Variants in PCDHA6 observed in about 807,000 individuals in gnomAD.
PCDHA6 encodes the protein protocadherin alpha 6, also known as protocadherin alpha-6.
PCDHA6 carries 55 observed loss-of-function variants against 60.3 expected under a neutral mutation model. The observed-to-expected ratio is 0.91, with a 90% CI of 0.73 to 1.14. The LOEUF (loss-of-function observed/expected upper bound fraction) is 1.14, where lower values mean the gene tolerates loss of function less well. Ranked by LOEUF, PCDHA6 falls within the 50% of genes most tolerant of loss-of-function variation. The probability of loss-of-function intolerance (pLI) is 0.00; values close to 1 mark genes in which losing one functional copy is unlikely to be tolerated. For synonymous variants in PCDHA6, 652 were observed against 557.9 expected (o/e 1.17, Z -2.38); for missense variants, 1,327 against 1,256.5 (o/e 1.06, Z -0.85).
chr5:140,830,452 G>T lies in PCDHA6; in HGVS notation c.2361G>T (p.Glu787Asp). Residue 787 changes from glutamate to aspartate, a missense_variant, in exon 1 of 4, where the codon GAG (glutamate) becomes GAT (aspartate). Transcript: ENST00000529310. ...SPCPIMMGKA[E>D]NQDLNEDHDA... is the part of the protein sequence containing the mutation. Reference sequence around the variant, plus strand: ...GTCCTATTATGATGGGTAAGGCGGAGAATCAGGATTTAAATGAAGATCATG... The same window carrying T: ...GTCCTATTATGATGGGTAAGGCGGATAATCAGGATTTAAATGAAGATCATG... The T allele has an allele frequency of 1.3e-6, 2 of 1,597,312 alleles. No homozygotes were observed. Among genetic ancestry groups the T allele is most frequent in the South Asian group, 2.3e-5 (2 of 88,702 alleles).
At chr5:140,842,526 A>G (rs2150338157) in intron 1 of PCDHA6, 11 of 1,613,304 alleles carry the variant, frequency 6.8e-6, no homozygotes, top group African/African-American at 1.3e-5. Flanking sequence ...TCCACCTTCA[A>G]GAATTACTAC....
intron 2 of PCDHA6, 103 bp downstream of exon 2, chr5:140,979,110 C>G (rs1223081047): frequency 4.6e-5 from 69 of 1,515,610 alleles, no homozygotes; most frequent in Non-Finnish European, 5.9e-5. Flanking sequence ...AACTAAAAAG[C>G]TTTAGGTACT....
In PCDHA6 at chr5:140,871,299, G is replaced by T. The variant is rs782459625; in HGVS notation, c.2394+40814G>T. On this transcript the variant is annotated intron_variant, in intron 1 of 3. Coordinates refer to ENST00000529310, the MANE Select transcript of PCDHA6 (RefSeq NM_018909.4). The stretch of plus-strand genomic sequence containing the variant: ...CAACGCCCACTGAGGGCGCGTGCGC[G>T]CCGGGGAAGCCCACGCTGGTGTGCT... 1.5e-5 allele frequency: 24 copies of T among 1,613,798 alleles called. No homozygotes were observed. In the East Asian group the frequency reaches 5.3e-4, roughly 36 times the overall value.
In PCDHA6 at chr5:140,995,570, A is replaced by T. The variant is rs186345842; in HGVS notation, c.2542+13007A>T. ...TCACTGTACTGAATAATATGTCAAG[A>T]TGAGCTATGAGCTTTTAACTTAGTG... is the stretch of plus-strand genomic sequence containing the variant. On this transcript the variant is annotated intron_variant, in intron 3 of 3. Transcript: ENST00000529310. Among the ~76,000 whole-genome samples, 3 of 152,328 alleles carry T rather than the reference A, an allele frequency of 2.0e-5. No homozygotes were observed. In the East Asian group the frequency reaches 5.8e-4, roughly 29 times the overall value.
At chr5:140,921,414 T>G (rs2080207969) in intron 1 of PCDHA6, among the ~76,000 whole-genome samples, 1 of 152,206 alleles carries the variant, frequency 6.6e-6, no homozygotes, top group Admixed American at 6.5e-5. Flanking sequence ...TCCTCTGTGC[T>G]GCAGACAAAA....
At chr5:140,837,677 T>C (rs2150278472) in intron 1 of PCDHA6, among the ~76,000 whole-genome samples, 1 of 151,824 alleles carries the variant, frequency 6.6e-6, no homozygotes, top group South Asian at 2.1e-4. Flanking sequence ...CTTTTTCTTT[T>C]TTCTTTCTTC....
chr5:140,843,779 T>A, intron 1 of PCDHA6: 1 of 1,431,270 alleles, frequency 7.0e-7, no homozygotes, highest in African/African-American at 1.4e-5. Flanking sequence ...ACTTTAAAAG[T>A]GTTTCAGATT....
At chr5:140,878,028 G>A in intron 1 of PCDHA6, 1 of 666,892 alleles carries the variant, frequency 1.5e-6, no homozygotes, top group Non-Finnish European at 2.2e-6. Context: ...AAATATGTAG[G>A]TACAATGGAG....
Position 140,848,728 on chromosome 5 carries a change from A to G in PCDHA6, c.2394+18243A>G. On this transcript the variant is annotated intron_variant, in intron 1 of 3. Transcript: ENST00000529310. ...GGCCGCGGGGACCTTCTGGAGGTAAATCTGCAGAATGGCATTTTGTTTGTG... is the reference window on the plus strand; with the variant it reads ...GGCCGCGGGGACCTTCTGGAGGTAAGTCTGCAGAATGGCATTTTGTTTGTG... 5 of 1,592,594 alleles carry G rather than the reference A, an allele frequency of 3.1e-6. No individual in the cohort carries two copies. Among genetic ancestry groups the G allele is most frequent in the South Asian group, 1.1e-5 (1 of 90,116 alleles).
chr5:140,998,681 C>G (rs978884535), intron 3 of PCDHA6, among the ~76,000 whole-genome samples: 42 of 152,038 alleles, frequency 2.8e-4, no homozygotes, highest in Non-Finnish European at 1.6e-4. Context: ...TCTCCTGCCT[C>G]AGCCTCCCAA....
chr5:140,832,005 A>G (rs1440445717), intron 1 of PCDHA6, among the ~76,000 whole-genome samples: 2 of 152,164 alleles, frequency 1.3e-5, no homozygotes, highest in African/African-American at 4.8e-5. Context: ...TATTGTTTTC[A>G]TTTTACGTAA....
intron 1 of PCDHA6, among the ~76,000 whole-genome samples, chr5:140,839,319 G>A (rs1776149332): frequency 6.6e-6 from 1 of 151,778 alleles, no homozygotes; most frequent in Admixed American, 6.6e-5. Context: ...ATTTATATTG[G>A]GAAATACCTG....
At chr5:140,952,158 G>A (rs2094696814) in intron 1 of PCDHA6, among the ~76,000 whole-genome samples, 1 of 151,946 alleles carries the variant, frequency 6.6e-6, no homozygotes, top group Non-Finnish European at 1.5e-5. Flanking sequence ...GTGGCTTTGT[G>A]GGGTTCAGTT....
At chr5:140,993,509 CGG>C (rs2097568014) in intron 3 of PCDHA6, among the ~76,000 whole-genome samples, 2 of 143,600 alleles carry the variant, frequency 1.4e-5, no homozygotes, top group South Asian at 4.6e-4. Context: ...CACACACACA[CGG>C]GGAGAGAGAG....
chr5:140,864,617 T>C (rs545757656), intron 1 of PCDHA6: 10 of 152,312 alleles, frequency 6.6e-5, no homozygotes, highest in African/African-American at 2.4e-4. Context: ...TTTGTTCTTT[T>C]TTAAAAAGAA....
intron 1 of PCDHA6, among the ~76,000 whole-genome samples, chr5:140,895,039 C>T (rs1274502441): frequency 6.6e-6 from 1 of 152,060 alleles, no homozygotes. Context: ...GTCCCCCACC[C>T]ACACCATTCT....
chr5:140,835,688 G>A (rs2150241964), intron 1 of PCDHA6: 10 of 1,613,804 alleles, frequency 6.2e-6, no homozygotes, highest in Admixed American at 5.0e-5. Flanking sequence ...CGCCTTCTCT[G>A]TGGGCCACTG....
At chr5:140,899,693 A>G (rs1269311819) in intron 1 of PCDHA6, among the ~76,000 whole-genome samples, 1 of 152,240 alleles carries the variant, frequency 6.6e-6, no homozygotes, top group East Asian at 1.9e-4. Flanking sequence ...TGCTGGCCTC[A>G]TAAAATGAGT....
chr5:140,891,378 T>C (rs141028628), intron 1 of PCDHA6, among the ~76,000 whole-genome samples: 2 of 152,104 alleles, frequency 1.3e-5, no homozygotes, highest in African/African-American at 4.8e-5. Context: ...CATTGCACCA[T>C]ATTTGCAATC....
Sources: allele counts gnomAD v4.1 joint callset (sites outside exome capture counted in the v4.1 genomes callset), GRCh38; gene constraint gnomAD v4.1.1; transcripts MANE v1.5; gene names NCBI Gene and HGNC (gene_info 2026-07-23, HGNC 2026-07-21).